Variants in JAKMIP3 observed in about 807,000 individuals in gnomAD.
JAKMIP3 encodes the protein janus kinase and microtubule-interacting protein 3.
Under a neutral mutation model 118.5 loss-of-function variants are expected in JAKMIP3, and 58 were observed. The ratio of observed to expected loss-of-function variants is 0.49; its 90% CI spans 0.40 to 0.61. The LOEUF (loss-of-function observed/expected upper bound fraction) is 0.61. Among genes scored for constraint, JAKMIP3 ranks in the 20% least tolerant of loss-of-function variants. JAKMIP3 has a pLI of 0.00. For missense variants in JAKMIP3, 950 were observed against 1,109.0 expected (o/e 0.86, Z 2.04); for synonymous variants, 486 against 451.2 (o/e 1.08, Z -0.98).
chr10:132,139,326 G>A (rs1030750866), intron 9 of JAKMIP3, among the ~76,000 whole-genome samples: 1 of 151,120 alleles, frequency 6.6e-6, no homozygotes, highest in African/African-American at 2.4e-5. Flanking sequence ...GTGTATGTGT[G>A]TGTGTTTGTA....
At chr10:132,108,878 C>T (rs1589830990) in intron 2 of JAKMIP3, among the ~76,000 whole-genome samples, 2 of 133,456 alleles carry the variant, frequency 1.5e-5, no homozygotes, top group East Asian at 4.4e-4. Flanking sequence ...AAATTATATA[C>T]ACAAATGTAT....
At chr10:132,152,907 C>G (rs375855216) in intron 16 of JAKMIP3, 51 bp from the exon 17 acceptor site, 7 of 1,441,668 alleles carry the variant, frequency 4.9e-6, no homozygotes, top group Non-Finnish European at 6.7e-6. Flanking sequence ...CTCACCCTCA[C>G]CCCCAAAGGC....
intron 1 of JAKMIP3, among the ~76,000 whole-genome samples, chr10:132,089,631 A>G (rs187761884): frequency 5.3e-5 from 8 of 152,310 alleles, no homozygotes; most frequent in Admixed American, 1.3e-4. Context: ...GGTTTTCTAA[A>G]TATACAACGA....
At chr10:132,084,561 C>T (rs969950566) in intron 1 of JAKMIP3, among the ~76,000 whole-genome samples, 3 of 152,084 alleles carry the variant, frequency 2.0e-5, no homozygotes, top group African/African-American at 7.2e-5. Context: ...CTGGCTGGGA[C>T]TTCCAGTACT....
intron 1 of JAKMIP3, among the ~76,000 whole-genome samples, chr10:132,047,917 C>T (rs1359983628): frequency 2.6e-5 from 4 of 151,908 alleles, no homozygotes; most frequent in South Asian, 2.1e-4. Flanking sequence ...AGCTGGGGTG[C>T]GCGGAGCTGT....
At chr10:132,128,692 A>G (rs1282906647) in intron 3 of JAKMIP3, among the ~76,000 whole-genome samples, 1 of 151,642 alleles carries the variant, frequency 6.6e-6, no homozygotes, top group African/African-American at 2.4e-5. Flanking sequence ...CTTTGTAATG[A>G]ATTTCTAATT....
chr10:132,081,976 G>A (rs537724885), intron 1 of JAKMIP3, among the ~76,000 whole-genome samples: 2 of 151,728 alleles, frequency 1.3e-5, no homozygotes, highest in East Asian at 1.9e-4. Flanking sequence ...CCCTGCCTAC[G>A]AATTCTGTCA....
intron 19 of JAKMIP3, among the ~76,000 whole-genome samples, chr10:132,159,844 T>TGG (rs1394976277): frequency 2.0e-5 from 1 of 48,862 alleles, no homozygotes; most frequent in African/African-American, 1.1e-4. Context: ...TGTGTGATGC[T>TGG]GGGGGGCCTC....
At position 132,168,187 on chromosome 10, in the gene JAKMIP3, C is replaced by G; in HGVS notation, c.*257C>G. 1 of 1,288,584 alleles carries G rather than the reference C, an allele frequency of 7.8e-7. No individual in the cohort carries two copies. The highest frequency in any genetic ancestry group is 1.5e-5 in the African/African-American group (1 of 65,942). The allele number at this position is 1,288,584 out of a possible 1,614,324, so 79.8% of individuals were successfully genotyped here. ...GGGGCTTCTCCGGGACGGGCCTGGCCTTGGCTGCTGGACCCTGGGTCCCTT... is the reference window on the plus strand; with the variant it reads ...GGGGCTTCTCCGGGACGGGCCTGGCGTTGGCTGCTGGACCCTGGGTCCCTT... On this transcript the variant is annotated 3_prime_UTR_variant, in exon 23 of 24. Coordinates refer to ENST00000684848, the MANE Select transcript of JAKMIP3 (RefSeq NM_001323087.2).
At chr10:132,151,997 C>T (rs2056308709) in intron 16 of JAKMIP3, among the ~76,000 whole-genome samples, 1 of 152,174 alleles carries the variant, frequency 6.6e-6, no homozygotes, top group African/African-American at 2.4e-5. Context: ...CCCTCAGTCA[C>T]CCTGAAGCCA....
intron 3 of JAKMIP3, among the ~76,000 whole-genome samples, chr10:132,125,821 ATCT>A (rs1318800997): frequency 5.3e-5 from 8 of 152,190 alleles, no homozygotes; most frequent in African/African-American, 1.7e-4. Flanking sequence ...TTTTATATCG[ATCT>A]TCTAACCTGC....
chr10:132,087,357 A>C (rs2042533569), intron 1 of JAKMIP3, among the ~76,000 whole-genome samples: 1 of 151,408 alleles, frequency 6.6e-6, no homozygotes, highest in African/African-American at 2.4e-5. Flanking sequence ...TCTTTTGGGG[A>C]TGAATTTCCC....
At chr10:132,143,372 G>A (rs962676482) in intron 11 of JAKMIP3, among the ~76,000 whole-genome samples, 16 of 152,176 alleles carry the variant, frequency 1.1e-4, no homozygotes, top group Admixed American at 2.0e-4. Context: ...CAGCGGGGGC[G>A]GGGCAACAGC....
At chr10:132,103,513 G>GT (rs1310551531) in intron 1 of JAKMIP3, among the ~76,000 whole-genome samples, 4 of 143,378 alleles carry the variant, frequency 2.8e-5, no homozygotes, top group Admixed American at 6.8e-5. Flanking sequence ...TAGCTTGGTG[G>GT]GGGGAGCCTC....
rs1293895799 is a variant in JAKMIP3 at position 132,178,008 on chromosome 10, A to C, written c.*1104-4349A>C. 6.6e-5 allele frequency among the ~76,000 whole-genome samples: 10 copies of C among 152,088 alleles called. No homozygotes were observed. In the East Asian group the frequency reaches 1.9e-3, roughly 29 times the overall value. On this transcript the variant is annotated intron_variant, in intron 23 of 23. Transcript: ENST00000684848. ...CCCTGGGTAGTGTGTGTGTCTGTGC[A>C]CACTGTGCATTTGGTTGTGTGTGAA...
At chr10:132,062,099 C>T (rs527946706), upstream of JAKMIP3, among the ~76,000 whole-genome samples, 1 of 151,828 alleles carries the variant, frequency 6.6e-6, no homozygotes, top group South Asian at 2.1e-4. Flanking sequence ...ATGAGCACGC[C>T]ACAGAGACAC....
In JAKMIP3 at chr10:132,180,778, T is replaced by TGC. The variant is rs1409189501; in HGVS notation, c.*1104-1578_*1104-1577insCG. ...GTGTGTGCGTGTGTGTGCGTGTGTGTGTGTGCGCGTATGCATGTGCTGTGA... is the reference window on the plus strand; with the variant it reads ...GTGTGTGCGTGTGTGTGCGTGTGTGTGCGTGTGCGCGTATGCATGTGCTGTGA... On this transcript the variant is annotated intron_variant, in intron 23 of 23. Coordinates refer to ENST00000684848, the MANE Select transcript of JAKMIP3 (RefSeq NM_001323087.2). Among the ~76,000 whole-genome samples, 13 of 46,404 alleles carry TGC rather than the reference T, an allele frequency of 2.8e-4. 4 individuals carry two copies. The highest frequency in any genetic ancestry group is 3.7e-4 in the Non-Finnish European group (7 of 18,986). The allele number at this position is 46,404 out of a possible 152,430, so 30.4% of individuals were successfully genotyped here.
At chr10:132,153,387 T>C (rs1181442647) in intron 17 of JAKMIP3, among the ~76,000 whole-genome samples, 2 of 152,174 alleles carry the variant, frequency 1.3e-5, no homozygotes, top group African/African-American at 2.4e-5. Context: ...CTGACCTGCC[T>C]GGTGAGCTGG....
chr10:132,078,725 T>G (rs1177315513), intron 1 of JAKMIP3, among the ~76,000 whole-genome samples: 1 of 152,168 alleles, frequency 6.6e-6, no homozygotes, highest in African/African-American at 2.4e-5. Context: ...CTGCATTATT[T>G]GGACTAGAGA....
Sources: gnomAD v4.1 joint callset for allele counts (sites outside exome capture counted in the v4.1 genomes callset) on GRCh38, gnomAD v4.1.1 for gene constraint, MANE v1.5 for transcripts, NCBI Gene and HGNC (gene_info 2026-07-23, HGNC 2026-07-21) for gene names.